RNF216: variants seen among roughly 807,000 people sequenced by gnomAD.
The protein encoded by RNF216 is E3 ubiquitin-protein ligase RNF216.
In RNF216, 72 loss-of-function variants were observed where a neutral mutation model predicts 110.8. The observed-to-expected ratio is 0.65, with a 90% CI of 0.54 to 0.79. The LOEUF (loss-of-function observed/expected upper bound fraction) is 0.79. Among genes scored for constraint, RNF216 ranks in the 30% least tolerant of loss-of-function variants. RNF216 has a pLI of 0.00. For synonymous variants in RNF216, 495 were observed against 407.5 expected, an observed-to-expected ratio of 1.21 and a Z score of -2.59; for missense variants, 1,342 against 1,141.2, an observed-to-expected ratio of 1.18 and a Z score of -2.54.
At chr7:5,713,561 A>C (rs576067638) in intron 11 of RNF216, 9 of 152,154 alleles carry the variant, frequency 5.9e-5, no homozygotes, top group Admixed American at 5.9e-4. Context: ...CAGGTAAGAG[A>C]CTTCAGAGCC....
At chr7:5,763,327 T>C (rs2128672800) in intron 1 of RNF216, among the ~76,000 whole-genome samples, 1 of 152,274 alleles carries the variant, frequency 6.6e-6, no homozygotes, top group South Asian at 2.1e-4. Context: ...TTTAATTATA[T>C]ATCAATAAAG....
intron 1 of RNF216, among the ~76,000 whole-genome samples, chr7:5,763,931 G>A (rs1306293644): frequency 6.6e-6 from 1 of 152,184 alleles, no homozygotes; most frequent in South Asian, 2.1e-4. Flanking sequence ...GCTCATGGCT[G>A]TAATCTAAGC....
At chr7:5,669,802 G>A (rs1789779917) in intron 13 of RNF216, among the ~76,000 whole-genome samples, 1 of 152,146 alleles carries the variant, frequency 6.6e-6, no homozygotes, top group Non-Finnish European at 1.5e-5. Flanking sequence ...CGAGGTAGGA[G>A]AATTGCTAGA....
At chr7:5,638,509 A>G (rs1787537252) in intron 15 of RNF216, among the ~76,000 whole-genome samples, 1 of 152,212 alleles carries the variant, frequency 6.6e-6, no homozygotes, top group African/African-American at 2.4e-5. Flanking sequence ...ACAGTGTAGC[A>G]GATGCCAACA....
At chr7:5,720,999 A>G (rs1396983118) in intron 9 of RNF216, 34 bp downstream of exon 9, 1 of 1,608,598 alleles carries the variant, frequency 6.2e-7, no homozygotes, top group Non-Finnish European at 8.5e-7. Flanking sequence ...AGAATCCCAG[A>G]AACACACCCC....
intron 15 of RNF216, among the ~76,000 whole-genome samples, chr7:5,638,797 G>C (rs1276196126): frequency 6.6e-6 from 1 of 151,814 alleles, no homozygotes; most frequent in African/African-American, 2.4e-5. Flanking sequence ...ACCACATCTG[G>C]CTAATTTTTG....
chr7:5,707,556 C>T (rs1241313473), intron 13 of RNF216, among the ~76,000 whole-genome samples: 1 of 151,982 alleles, frequency 6.6e-6, no homozygotes, highest in Non-Finnish European at 1.5e-5. Flanking sequence ...TGTATAAGAT[C>T]ATGTTATCTG....
At chr7:5,743,349 C>T (rs1163936478) in intron 3 of RNF216, among the ~76,000 whole-genome samples, 2 of 151,870 alleles carry the variant, frequency 1.3e-5, no homozygotes, top group African/African-American at 2.4e-5. Flanking sequence ...TAAACTCTAT[C>T]GAAAAAGGGC....
At chr7:5,762,872 T>C (rs1304480204) in intron 1 of RNF216, among the ~76,000 whole-genome samples, 1 of 152,186 alleles carries the variant, frequency 6.6e-6, no homozygotes, top group East Asian at 1.9e-4. Context: ...AGACAAAACA[T>C]GAACATATGT....
intron 15 of RNF216, among the ~76,000 whole-genome samples, chr7:5,635,308 T>A (rs992822252): frequency 1.5e-4 from 23 of 150,060 alleles, no homozygotes; most frequent in Admixed American, 4.0e-4. Flanking sequence ...TTTTTTTTTT[T>A]AACACACAAT....
chr7:5,767,316 T>C (rs1186320308), intron 1 of RNF216, among the ~76,000 whole-genome samples: 4 of 152,104 alleles, frequency 2.6e-5, no homozygotes, highest in Non-Finnish European at 4.4e-5. Context: ...ATGCCAAATC[T>C]TAAGTGTGAA....
At chr7:5,737,465 G>C (rs1311361498) in intron 5 of RNF216, among the ~76,000 whole-genome samples, 1 of 151,742 alleles carries the variant, frequency 6.6e-6, no homozygotes, top group Non-Finnish European at 1.5e-5. Context: ...CTCCACTATT[G>C]TCCTGTGACC....
intron 13 of RNF216, among the ~76,000 whole-genome samples, chr7:5,686,329 G>C (rs1052811422): frequency 4.0e-5 from 6 of 151,432 alleles, no homozygotes; most frequent in Non-Finnish European, 8.8e-5. Flanking sequence ...CTCTGTCAAA[G>C]AGCCCTTACC....
At chr7:5,732,539 C>T (rs1794153654) in intron 5 of RNF216, among the ~76,000 whole-genome samples, 1 of 152,178 alleles carries the variant, frequency 6.6e-6, no homozygotes, top group South Asian at 2.1e-4. Context: ...TGAAATGCTA[C>T]AGACATGAAG....
At chr7:5,713,434 T>G (rs1391360020) in intron 11 of RNF216, 1 of 152,198 alleles carries the variant, frequency 6.6e-6, no homozygotes, top group East Asian at 1.9e-4. Context: ...GAAGTCAGAG[T>G]CTGAAATGGA....
At chr7:5,671,403 C>T (rs1178472356) in intron 13 of RNF216, among the ~76,000 whole-genome samples, 1 of 152,228 alleles carries the variant, frequency 6.6e-6, no homozygotes, top group African/African-American at 2.4e-5. Flanking sequence ...GCCCTCAACT[C>T]TGACACCTTG....
intron 13 of RNF216, among the ~76,000 whole-genome samples, chr7:5,682,926 G>GA (rs1283511882): frequency 6.6e-6 from 1 of 152,012 alleles, no homozygotes; most frequent in Non-Finnish European, 1.5e-5. Context: ...ATCAAAACCA[G>GA]AAAAAAATTC....
intron 2 of RNF216, chr7:5,760,391 C>G (rs1199518591): frequency 6.2e-6 from 2 of 320,580 alleles, no homozygotes; most frequent in African/African-American, 4.4e-5. Flanking sequence ...TGGCACATGC[C>G]TGTAATCCCA....
At chr7:5,769,611 C>G (rs759403122) in intron 1 of RNF216, among the ~76,000 whole-genome samples, 15 of 151,776 alleles carry the variant, frequency 9.9e-5, no homozygotes, top group African/African-American at 3.6e-4. Context: ...GTGGTACCAG[C>G]TACATGGGAG....
Sources: allele counts gnomAD v4.1 joint callset (sites outside exome capture counted in the v4.1 genomes callset), GRCh38; gene constraint gnomAD v4.1.1; transcripts MANE v1.5; gene names NCBI Gene and HGNC (gene_info 2026-07-23, HGNC 2026-07-21).